Variants in ABCA2 observed in about 807,000 individuals in gnomAD.
ABCA2 encodes the protein ATP-binding cassette sub-family A member 2.
In ABCA2, 84 loss-of-function variants were observed where a neutral mutation model predicts 262.8. That is an observed-to-expected ratio of 0.32 (90% CI 0.27 to 0.38). The LOEUF (loss-of-function observed/expected upper bound fraction) is 0.38, where lower values mean the gene tolerates loss of function less well. Among genes scored for constraint, ABCA2 ranks in the 10% least tolerant of loss-of-function variants. ABCA2 has a pLI of 1.00. For missense variants in ABCA2, 2,662 were observed against 3,405.9 expected (o/e 0.78, Z 5.44); for synonymous variants, 1,696 against 1,502.9 (o/e 1.13, Z -2.97).
At position 137,013,129 on chromosome 9, in the gene ABCA2, G is replaced by A; in HGVS notation, c.4740C>T (p.Phe1580=). Residue 1580 remains phenylalanine (F), a synonymous_variant, in exon 30 of 49, where the codon TTC becomes TTT. Coordinates refer to ENST00000341511, the MANE Select transcript of ABCA2 (RefSeq NM_001606.5). Reference sequence around the variant, plus strand: ...AATTGGACAGTGGCAGCCCCTGTGTGAAGGACTCCAGACACATGCTGTCGA... The same window carrying A: ...AATTGGACAGTGGCAGCCCCTGTGTAAAGGACTCCAGACACATGCTGTCGA... ...RFFDSMCLES[F]TQGLPLSNFV... The A allele has an allele frequency of 6.3e-7, 1 of 1,597,400 alleles. No individual in the cohort carries two copies. Among genetic ancestry groups the A allele is most frequent in the Non-Finnish European group, 8.5e-7 (1 of 1,174,220 alleles).
chr9:137,018,753 G>T lies in ABCA2; in HGVS notation c.1785C>A (p.Asn595Lys). The stretch of plus-strand genomic sequence containing the variant: ...CAGTGACGTTGTCCTGGTAGGCCTG[G>T]TTGAGGGTGTAGTTGACAATGCTCT... ...DEESIVNYTL[N>K]QAYQDNVTVF... is the part of the protein sequence containing the mutation. The change falls in exon 13 of 49, where the codon AAC (asparagine) becomes AAA (lysine). Residue 595 changes from asparagine to lysine, a missense_variant. By Grantham distance (94) the Asn-to-Lys change is moderately conservative. This residue lies in a region of ABCA2 where 187 missense variants were observed against 205.9 expected (regional missense o/e 0.91). Coordinates refer to ENST00000341511, the MANE Select transcript of ABCA2 (RefSeq NM_001606.5). 3 of 1,612,282 alleles carry T rather than the reference G, an allele frequency of 1.9e-6. No homozygotes were observed. The highest frequency in any genetic ancestry group is 2.5e-6 in the Non-Finnish European group (3 of 1,179,832).
chr9:137,012,000 G>A lies in ABCA2; in HGVS notation c.5379C>T (p.Val1793=), dbSNP rs367599305. The change falls in exon 35 of 49, where the codon GTC becomes GTT. Residue 1793 remains valine, a synonymous_variant. Coordinates refer to ENST00000341511, the MANE Select transcript of ABCA2 (RefSeq NM_001606.5). The surrounding 1 kb of genome is among the most constrained non-coding windows in gnomAD (Gnocchi z 8.8). ...CCACGATGATGAAGATGGCGATGAC[G>A]ACATCCGTGCCCTGCAGCCTGGGGC... ...SLDYLLQGTD[V]VIAIFIIVAM... 63 of 1,612,480 alleles carry A rather than the reference G, an allele frequency of 3.9e-5. No homozygotes were observed. The highest frequency in any genetic ancestry group is 3.2e-4 in the Admixed American group (19 of 60,024).
At chr9:137,024,797 CTTTTT>C (rs869249419) in intron 1 of ABCA2, among the ~76,000 whole-genome samples, 1 of 139,622 alleles carries the variant, frequency 7.2e-6, no homozygotes. Flanking sequence ...GCAAAGGCAC[CTTTTT>C]TTTTTTTTTT....
intron 46 of ABCA2, 32 bp from the exon 47 acceptor site, chr9:137,008,900 G>GCCCCCCCC (rs59031144): frequency 1.4e-5 from 22 of 1,555,916 alleles, no homozygotes; most frequent in Admixed American, 3.5e-5. Flanking sequence ...GCCTGGCAGC[G>GCCCCCCCC]CCCCCCCACC....
Position 137,010,028 on chromosome 9 carries a change from C to A in ABCA2, c.6450G>T (p.Gln2150His). The A allele has an allele frequency of 6.2e-7, 1 of 1,600,622 alleles. No homozygotes were observed. Among genetic ancestry groups the A allele is most frequent in the African/African-American group, 1.3e-5 (1 of 74,758 alleles). The stretch of plus-strand genomic sequence containing the variant: ...AGATCCCACGCAGCCGCGTGTACAG[C>A]TGCAGGTGCTCCCGGGCCGTGAGCT... ...FDELTAREHL[Q>H]LYTRLRGISW... Residue 2150 changes from glutamine (Q) to histidine (H), a missense_variant, in exon 42 of 49, where the codon CAG (glutamine) becomes CAT (histidine). Transcript: ENST00000341511.
At position 137,011,056 on chromosome 9, in the gene ABCA2, G is replaced by A. The variant is rs369386066; in HGVS notation, c.5973C>T (p.Arg1991=). The A allele has an allele frequency of 3.8e-5, 61 of 1,610,106 alleles. No homozygotes were observed. The highest frequency in any genetic ancestry group is 1.6e-4 in the Middle Eastern group (1 of 6,064). Residue 1991 remains arginine, a synonymous_variant, in exon 39 of 49, where the codon CGC becomes CGT. Coordinates refer to ENST00000341511, the MANE Select transcript of ABCA2 (RefSeq NM_001606.5). This position sits in a 1 kb window ranked among gnomAD's most constrained non-coding sequence, Gnocchi z 8.8. ...CCTCAACCGCCATGGCCACCAGTCC[G>A]CGGGTGACAATGTCCCACTCGAACG... ...KSPFEWDIVT[R]GLVAMAVEGV...
In ABCA2 at chr9:137,011,194, G is replaced by C; in HGVS notation, c.5915C>G (p.Ala1972Gly). The change falls in exon 38 of 49, where the codon GCC becomes GGC. Residue 1972 changes from alanine (A) to glycine (G), a missense_variant. By Grantham distance (60) the Ala-to-Gly change is moderately conservative (BLOSUM62 0). Transcript: ENST00000341511. The surrounding 1 kb of genome is among the most constrained non-coding windows in gnomAD (Gnocchi z 8.8). Reference sequence around the variant, plus strand: ...CCCACGGGCCCCCTCACCAATCTTGGCGTAGTACTCGTTGATGTACTCGTT... The same window carrying C: ...CCCACGGGCCCCCTCACCAATCTTGCCGTAGTACTCGTTGATGTACTCGTT... Reference protein sequence around the residue: ...AYNEYINEYYAKIGQFDKMKS... With the variant: ...AYNEYINEYYGKIGQFDKMKS... The C allele has an allele frequency of 6.2e-7, 1 of 1,612,570 alleles. No individual in the cohort carries two copies. The highest frequency in any genetic ancestry group is 8.5e-7 in the Non-Finnish European group (1 of 1,179,854).
intron 1 of ABCA2, among the ~76,000 whole-genome samples, chr9:137,026,192 C>G (rs1831647714): frequency 6.6e-6 from 1 of 152,240 alleles, no homozygotes; most frequent in Non-Finnish European, 1.5e-5. Context: ...ATAGGCCACA[C>G]TCACAGACAG....
Position 137,015,012 on chromosome 9 carries a change from A to G in ABCA2, c.3783T>C (p.His1261=), listed in dbSNP as rs779402606. Residue 1261 remains histidine, a synonymous_variant, in exon 25 of 49, where the codon CAT becomes CAC. Coordinates refer to ENST00000341511, the MANE Select transcript of ABCA2 (RefSeq NM_001606.5). ...ELQVSQFIRK[H]VASCLLVSDT... The stretch of plus-strand genomic sequence containing the variant: ...CTGAGACCAGCAGGCAGGAGGCCAC[A>G]TGCTTGCGGATGAACTGGGACACCT... 5.0e-6 allele frequency: 8 copies of G among 1,604,970 alleles called. No individual in the cohort carries two copies. The South Asian group carries it at 5.6e-5, about 11-fold the overall frequency.
intron 21 of ABCA2, 36 bp downstream of exon 21, chr9:137,016,255 A>T: frequency 6.2e-7 from 1 of 1,611,812 alleles, no homozygotes; most frequent in Non-Finnish European, 8.5e-7. Context: ...TGCTCTGGTC[A>T]GCAGATGCCC....
chr9:137,019,143 C>T lies in ABCA2; in HGVS notation c.1554+35G>A, dbSNP rs770805479. The T allele has an allele frequency of 6.9e-6, 11 of 1,605,088 alleles. No homozygotes were observed. In the East Asian group the frequency reaches 2.2e-4, roughly 33 times the overall value. ...GGGCAGAGAGGGGCTCCCCACACCACCCACAGCCGCCTCCCTCGCGGGCAC... is the reference window on the plus strand; with the variant it reads ...GGGCAGAGAGGGGCTCCCCACACCATCCACAGCCGCCTCCCTCGCGGGCAC... On this transcript the variant is annotated intron_variant, in intron 11 of 48. Coordinates refer to ENST00000341511, the MANE Select transcript of ABCA2 (RefSeq NM_001606.5). This position sits in a 1 kb window ranked among gnomAD's most constrained non-coding sequence, Gnocchi z 4.4.
At chr9:137,025,097 C>T (rs1466467428) in intron 1 of ABCA2, among the ~76,000 whole-genome samples, 2 of 152,238 alleles carry the variant, frequency 1.3e-5, no homozygotes, top group African/African-American at 4.8e-5. Flanking sequence ...TCTGCCCTGT[C>T]CCCTCTCCTG....
chr9:137,011,067 T>C lies in ABCA2; in HGVS notation c.5962A>G (p.Ile1988Val). Residue 1988 changes from isoleucine to valine, a missense_variant, in exon 39 of 49, where the codon ATT becomes GTT. Physicochemically the swap from Ile to Val is conservative, Grantham distance 29. This residue lies in a region of ABCA2 where 602 missense variants were observed against 897.4 expected (regional missense o/e 0.67). Transcript: ENST00000341511. This position sits in a 1 kb window ranked among gnomAD's most constrained non-coding sequence, Gnocchi z 8.8. The stretch of plus-strand genomic sequence containing the variant: ...ATGGCCACCAGTCCGCGGGTGACAA[T>C]GTCCCACTCGAACGGGGACTTCATC... Reference protein sequence around the residue: ...DKMKSPFEWDIVTRGLVAMAV... With the variant: ...DKMKSPFEWDVVTRGLVAMAV... The C allele has an allele frequency of 6.3e-7, 1 of 1,596,534 alleles. No homozygotes were observed.
Position 137,015,789 on chromosome 9 carries a change from C to T in ABCA2, c.3400G>A (p.Val1134Met), listed in dbSNP as rs779983022. Residue 1134 changes from valine (V) to methionine (M), a missense_variant, in exon 23 of 49, where the codon GTG (valine) becomes ATG (methionine). Coordinates refer to ENST00000341511, the MANE Select transcript of ABCA2 (RefSeq NM_001606.5). ...LSGGMKRKLS[V>M]AIAFVGGSRA... ...GAGCCGCCCACGAAGGCGATGGCCA[C>T]GGACAGCTTGCGCTTCATGCCACCC... 4 of 1,612,446 alleles carry T rather than the reference C, an allele frequency of 2.5e-6. No homozygotes were observed. The highest frequency in any genetic ancestry group is 1.3e-5 in the African/African-American group (1 of 75,068).
chr9:137,008,900 G>GCCCCCCCCCCCCCCGGGCGC, intron 46 of ABCA2, 32 bp from the exon 47 acceptor site: 5 of 1,555,204 alleles, frequency 3.2e-6, no homozygotes, highest in African/African-American at 1.4e-5. Context: ...GCCTGGCAGC[G>GCCCCCCCCCCCCCCGGGCGC]CCCCCCCACC....
In ABCA2 at chr9:137,022,769, T is replaced by C. The variant is rs779163602; in HGVS notation, c.372A>G (p.Leu124=). ...RPSLGSELEA[L]RQHLEALSAG... is the part of the protein sequence containing the mutation. ...CACTGAGGGCCTCCAGATGCTGGCGTAGGGCCTCGAGCTCTGAGCCCAGGC... is the reference window on the plus strand; with the variant it reads ...CACTGAGGGCCTCCAGATGCTGGCGCAGGGCCTCGAGCTCTGAGCCCAGGC... The change falls in exon 5 of 49, where the codon CTA becomes CTG. Residue 124 remains leucine, a synonymous_variant. Coordinates refer to ENST00000341511, the MANE Select transcript of ABCA2 (RefSeq NM_001606.5). 2.5e-6 allele frequency: 4 copies of C among 1,602,408 alleles called. No homozygotes were observed. The highest frequency in any genetic ancestry group is 3.4e-6 in the Non-Finnish European group (4 of 1,176,204).
upstream of ABCA2, chr9:137,028,244 G>A (rs547575887): frequency 2.0e-6 from 2 of 977,940 alleles, no homozygotes; most frequent in Non-Finnish European, 2.4e-6. This position sits in a 1 kb window ranked among gnomAD's most constrained non-coding sequence, Gnocchi z 6.9. Context: ...GCGCGGGGGC[G>A]GGGCGCTCGG....
Position 137,011,564 on chromosome 9 carries a change from G to A in ABCA2, c.5652-10C>T, listed in dbSNP as rs142579624. On this transcript the variant is annotated splice_polypyrimidine_tract_variant and intron_variant, in intron 36 of 48. Coordinates refer to ENST00000341511, the MANE Select transcript of ABCA2 (RefSeq NM_001606.5). This position sits in a 1 kb window ranked among gnomAD's most constrained non-coding sequence, Gnocchi z 8.8. Reference sequence around the variant, plus strand: ...GGGCGTGATGGACCACCTGCGGGCAGGTGGCGGGCAGTGGTCACCAGGCAG... The same window carrying A: ...GGGCGTGATGGACCACCTGCGGGCAAGTGGCGGGCAGTGGTCACCAGGCAG... The A allele has an allele frequency of 3.8e-3, 5,992 of 1,570,900 alleles. 16 individuals carry two copies. The highest frequency in any genetic ancestry group is 4.7e-3 in the Non-Finnish European group (5,422 of 1,158,270).
chr9:137,025,261 G>A lies in ABCA2; in HGVS notation c.67-1025C>T, dbSNP rs553195134. Among the ~76,000 whole-genome samples the A allele has an allele frequency of 6.4e-4, 97 of 152,342 alleles. 1 individual carries two copies. The highest frequency in any genetic ancestry group is 1.7e-3 in the African/African-American group (70 of 41,574). On this transcript the variant is annotated intron_variant, in intron 1 of 48. Coordinates refer to ENST00000341511, the MANE Select transcript of ABCA2 (RefSeq NM_001606.5). ...TCACCTGAAAACCAAGGACTTTACC[G>A]GTTCTTGTGTCCCAGCCCCCAGCTC...
Sources: gnomAD v4.1 joint callset for allele counts (sites outside exome capture counted in the v4.1 genomes callset) on GRCh38, gnomAD v4.1.1 for gene constraint, gnomAD v4.1.1 regional missense constraint, Gnocchi (gnomAD v3.1) non-coding constraint, MANE v1.5 for transcripts, NCBI Gene and HGNC (gene_info 2026-07-23, HGNC 2026-07-21) for gene names.